BMPR2: variants seen among roughly 807,000 people sequenced by gnomAD.
BMPR2 encodes the protein bone morphogenetic protein receptor type-2.
Under a neutral mutation model 100.8 loss-of-function variants are expected in BMPR2, and 29 were observed. The observed-to-expected ratio is 0.29, with a 90% CI of 0.21 to 0.39. The LOEUF (loss-of-function observed/expected upper bound fraction) is 0.39. Ranked by LOEUF, BMPR2 falls within the 10% of genes least tolerant of loss-of-function variation. BMPR2 has a pLI of 1.00. For synonymous variants in BMPR2, 382 were observed against 442.3 expected, an observed-to-expected ratio of 0.86 and a Z score of 1.71; for missense variants, 1,011 against 1,274.5, an observed-to-expected ratio of 0.79 and a Z score of 3.15.
chr2:202,522,280 G>A (rs1267612716), intron 7 of BMPR2, among the ~76,000 whole-genome samples: 3 of 152,072 alleles, frequency 2.0e-5, no homozygotes, highest in Non-Finnish European at 4.4e-5. Flanking sequence ...GGCCGAGGTG[G>A]GCGGATCACA....
intron 1 of BMPR2, among the ~76,000 whole-genome samples, chr2:202,377,780 C>G (rs543323750): frequency 6.6e-6 from 1 of 152,356 alleles, no homozygotes; most frequent in South Asian, 2.1e-4. Flanking sequence ...CCCCACCCCC[C>G]TTTACGGGGT....
Position 202,520,182 on chromosome 2 carries a change from C to G in BMPR2, c.948C>G (p.His316Gln). Residue 316 changes from histidine to glutamine, a missense_variant, in exon 7 of 13, where the codon CAC (histidine) becomes CAG (glutamine). Physicochemically the swap from His to Gln is conservative, Grantham distance 24. Around this residue, in one of 6 missense-constraint regions of BMPR2, gnomAD observed 355 missense variants for 455.3 expected, o/e 0.78. Coordinates refer to ENST00000374580, the MANE Select transcript of BMPR2 (RefSeq NM_001204.7). ...TTACTAGAGGACTGGCTTATCTTCA[C>G]ACAGAATTACCACGAGGAGGTAAGA... ...HSVTRGLAYL[H>Q]TELPRGDHYK... 6.2e-7 allele frequency: 1 copy of G among 1,612,420 alleles called. No homozygotes were observed. Among genetic ancestry groups the G allele is most frequent in the East Asian group, 2.2e-5 (1 of 44,844 alleles).
chr2:202,487,480 A>T (rs2105978892), intron 3 of BMPR2, among the ~76,000 whole-genome samples: 1 of 152,364 alleles, frequency 6.6e-6, no homozygotes, highest in South Asian at 2.1e-4. Flanking sequence ...AACTTGAATT[A>T]CAGTTAAAAA....
intron 1 of BMPR2, among the ~76,000 whole-genome samples, chr2:202,429,673 A>G (rs574875706): frequency 9.9e-5 from 15 of 152,276 alleles, no homozygotes; most frequent in African/African-American, 3.6e-4. Flanking sequence ...TATAAAGGAA[A>G]GAGGTTTAAT....
intron 1 of BMPR2, among the ~76,000 whole-genome samples, chr2:202,432,553 T>C (rs1691526925): frequency 6.6e-6 from 1 of 150,608 alleles, no homozygotes; most frequent in African/African-American, 2.5e-5. Context: ...TGGCACAAAA[T>C]GCAAGTATTA....
intron 1 of BMPR2, among the ~76,000 whole-genome samples, chr2:202,429,416 TAAC>T (rs1219123827): frequency 1.3e-5 from 2 of 152,206 alleles, no homozygotes; most frequent in African/African-American, 4.8e-5. Context: ...TACTGGAACT[TAAC>T]ACGTTCTTGC....
At chr2:202,527,470 C>T (rs918136102) in intron 7 of BMPR2, among the ~76,000 whole-genome samples, 3 of 149,526 alleles carry the variant, frequency 2.0e-5, no homozygotes, top group Admixed American at 6.8e-5. Context: ...GCCTGGGCGA[C>T]GGAGCAAGAC....
intron 10 of BMPR2, among the ~76,000 whole-genome samples, chr2:202,543,045 C>T (rs1688306170): frequency 6.6e-6 from 1 of 151,172 alleles, no homozygotes; most frequent in African/African-American, 2.4e-5. Flanking sequence ...GGCGTGGTGG[C>T]GTGTGTCTGT....
chr2:202,407,510 C>T lies in BMPR2; in HGVS notation c.76+29960C>T, dbSNP rs190169179. Among the ~76,000 whole-genome samples the T allele has an allele frequency of 1.1e-3, 168 of 152,140 alleles. 1 individual carries two copies. The highest frequency in any genetic ancestry group is 3.7e-3 in the Admixed American group (57 of 15,280). On this transcript the variant is annotated intron_variant, in intron 1 of 12. Coordinates refer to ENST00000374580, the MANE Select transcript of BMPR2 (RefSeq NM_001204.7). ...GTATTTGGCTGGGCGTGGTCGCTCA[C>T]GCCTGTAATCCCAGCACTTTGGGAG...
At position 202,552,716 on chromosome 2, in the gene BMPR2, G is replaced by A. The variant is rs767730208; in HGVS notation, c.1414G>A (p.Ala472Thr). 1.1e-5 allele frequency: 17 copies of A among 1,613,762 alleles called. No homozygotes were observed. Among genetic ancestry groups the A allele is most frequent in the Non-Finnish European group, 1.4e-5 (16 of 1,179,886 alleles). ...FPEAWKENSL[A>T]VRSLKETIED... ...GTTTGACATGTACTTTGTCTTACAGGCAGTGAGGTCACTCAAGGAGACAAT... is the reference window on the plus strand; with the variant it reads ...GTTTGACATGTACTTTGTCTTACAGACAGTGAGGTCACTCAAGGAGACAAT... The change falls in exon 11 of 13, where the codon GCA (alanine) becomes ACA (threonine). Residue 472 changes from alanine (A) to threonine (T), a missense_variant and splice_region_variant. By Grantham distance (58) the Ala-to-Thr change is moderately conservative (BLOSUM62 0). Around this residue, in one of 6 missense-constraint regions of BMPR2, gnomAD observed 83 missense variants for 140.7 expected, o/e 0.59. Coordinates refer to ENST00000374580, the MANE Select transcript of BMPR2 (RefSeq NM_001204.7).
At chr2:202,553,424 C>T (rs552623263) in intron 11 of BMPR2, among the ~76,000 whole-genome samples, 2 of 152,184 alleles carry the variant, frequency 1.3e-5, no homozygotes, top group South Asian at 2.1e-4. Flanking sequence ...TATTATTTTA[C>T]AAGACATTTT....
intron 3 of BMPR2, among the ~76,000 whole-genome samples, chr2:202,471,849 T>A (rs1049956924): frequency 1.3e-5 from 2 of 152,034 alleles, no homozygotes; most frequent in African/African-American, 4.8e-5. Flanking sequence ...TCTTAGGAAA[T>A]AATCTAAGAA....
At chr2:202,478,487 C>T (rs1165622141) in intron 3 of BMPR2, among the ~76,000 whole-genome samples, 1 of 152,144 alleles carries the variant, frequency 6.6e-6, no homozygotes, top group Non-Finnish European at 1.5e-5. Flanking sequence ...TGGCATGTGC[C>T]CGTACTTCCA....
chr2:202,520,372 C>A, intron 7 of BMPR2, 171 bp downstream of exon 7: 1 of 641,770 alleles, frequency 1.6e-6, no homozygotes, highest in Non-Finnish European at 2.7e-6. Context: ...ACAGAAAGAG[C>A]TTTCCCACGC....
rs1687794053 is a variant in BMPR2 at position 202,520,070 on chromosome 2, T to C, written c.853-17T>C. On this transcript the variant is annotated splice_polypyrimidine_tract_variant and intron_variant, in intron 6 of 12. Transcript: ENST00000374580. ...AATTCTACCTTTTTTTTTTTTCGCA[T>C]TTTTTCCTCTATATAGGGATCTTTA... 1.4e-6 allele frequency: 2 copies of C among 1,467,786 alleles called. No individual in the cohort carries two copies. The highest frequency in any genetic ancestry group is 4.5e-5 in the East Asian group (2 of 44,068). The allele number at this position is 1,467,786 out of a possible 1,614,324, so 90.9% of individuals were successfully genotyped here.
At chr2:202,534,912 C>T (rs1200583969) in intron 9 of BMPR2, among the ~76,000 whole-genome samples, 1 of 147,294 alleles carries the variant, frequency 6.8e-6, no homozygotes, top group African/African-American at 2.5e-5. Context: ...CTGACCCCCC[C>T]ACCTCCCTCC....
intron 1 of BMPR2, among the ~76,000 whole-genome samples, chr2:202,418,704 C>G (rs906396168): frequency 2.0e-5 from 3 of 152,264 alleles, no homozygotes; most frequent in Non-Finnish European, 1.5e-5. Context: ...AAGGAAATGT[C>G]TGGGTTAAGA....
intron 11 of BMPR2, among the ~76,000 whole-genome samples, chr2:202,553,604 C>T (rs1422594386): frequency 6.6e-6 from 1 of 151,894 alleles, no homozygotes; most frequent in African/African-American, 2.4e-5. Context: ...GAAAGGCATC[C>T]AGGAAAGGGT....
intron 1 of BMPR2, among the ~76,000 whole-genome samples, chr2:202,426,485 C>T (rs1282250975): frequency 2.8e-5 from 4 of 145,168 alleles, no homozygotes; most frequent in African/African-American, 1.0e-4. Context: ...GGAGGAATCG[C>T]TTGAACCTGG....
Sources: allele counts gnomAD v4.1 joint callset (sites outside exome capture counted in the v4.1 genomes callset), GRCh38; gene constraint gnomAD v4.1.1; regional missense constraint gnomAD v4.1.1; transcripts MANE v1.5; gene names NCBI Gene and HGNC (gene_info 2026-07-23, HGNC 2026-07-21).